SNRNP48: variants seen among roughly 807,000 people sequenced by gnomAD.
SNRNP48 encodes the protein U11/U12 small nuclear ribonucleoprotein 48 kDa protein.
SNRNP48 carries 43 observed loss-of-function variants against 47.0 expected under a neutral mutation model. That is an observed-to-expected ratio of 0.92 (90% CI 0.72 to 1.18). SNRNP48 has a LOEUF of 1.18. Ranked by LOEUF, SNRNP48 falls within the 50% of genes most tolerant of loss-of-function variation. SNRNP48 has a pLI of 0.00. For synonymous variants in SNRNP48, 138 were observed against 144.0 expected, an observed-to-expected ratio of 0.96 and a Z score of 0.30; for missense variants, 396 against 422.2, an observed-to-expected ratio of 0.94 and a Z score of 0.54.
Position 7,609,332 on chromosome 6 carries a change from C to T in SNRNP48, c.*459C>T, listed in dbSNP as rs1375024661. 6.6e-6 allele frequency: 1 copy of T among 152,194 alleles called. No homozygotes were observed. The highest frequency in any genetic ancestry group is 1.5e-5 in the Non-Finnish European group (1 of 68,052). 9.4% of individuals were successfully genotyped at this position (152,194 alleles called of 1,614,324 possible). ...GTGAATTGTAGTAGGGAAAAACAATCTAAATATTGAAGAGGAATGGCCTAA... is the reference window on the plus strand; with the variant it reads ...GTGAATTGTAGTAGGGAAAAACAATTTAAATATTGAAGAGGAATGGCCTAA... On this transcript the variant is annotated 3_prime_UTR_variant, in exon 9 of 9. Transcript: ENST00000342415.
Position 7,600,029 on chromosome 6 carries a change from A to AT in SNRNP48, c.407-1307_407-1306insT, listed in dbSNP as rs1379813371. 1.5e-5 allele frequency: 15 copies of AT among 1,005,870 alleles called. No individual in the cohort carries two copies. In the African/African-American group the frequency reaches 2.1e-4, roughly 14 times the overall value. 62.3% of individuals were successfully genotyped at this position (1,005,870 alleles called of 1,614,324 possible). ...TTTTCCTCCCAAATTTTTATAGCCTAATTCAAAGGAATTAGGCTTATCAAA... is the reference window on the plus strand; with the variant it reads ...TTTTCCTCCCAAATTTTTATAGCCTATATTCAAAGGAATTAGGCTTATCAAA... On this transcript the variant is annotated intron_variant, in intron 4 of 8. Coordinates refer to ENST00000342415, the MANE Select transcript of SNRNP48 (RefSeq NM_152551.4).
At chr6:7,607,833 G>A (rs1326194089) in intron 8 of SNRNP48, among the ~76,000 whole-genome samples, 1 of 152,178 alleles carries the variant, frequency 6.6e-6, no homozygotes, top group Non-Finnish European at 1.5e-5. Flanking sequence ...AAAGCTTATT[G>A]TATTGGTTTG....
In SNRNP48 at chr6:7,610,894, AC is replaced by A. The variant is rs10717454; in HGVS notation, c.*2025del. The A allele has an allele frequency of 0.41, 62,650 of 151,996 alleles. 13,435 individuals carry two copies. Among genetic ancestry groups the A allele is most frequent in the African/African-American group, 0.5 (20,702 of 41,434 alleles). 9.4% of individuals were successfully genotyped at this position (151,996 alleles called of 1,614,324 possible). On this transcript the variant is annotated 3_prime_UTR_variant, in exon 9 of 9. Coordinates refer to ENST00000342415, the MANE Select transcript of SNRNP48 (RefSeq NM_152551.4). ...CAGGGTTTATGCCTTCATCAGCGTG[AC>A]CCCTGTGCCTGCAGCCTCATAGGTG...
Position 7,606,156 on chromosome 6 carries a change from A to G in SNRNP48, c.932A>G (p.Asp311Gly). ...CCACATAAAAGAAAAAGAAACAAAG[A>G]TAAGGATAAAAACTGTGAGTCGAGA... ...RSPHKRKRNK[D>G]KDKNCESRRR... Residue 311 changes from aspartate (D) to glycine (G), a missense_variant, in exon 8 of 9, where the codon GAT (aspartate) becomes GGT (glycine). Coordinates refer to ENST00000342415, the MANE Select transcript of SNRNP48 (RefSeq NM_152551.4). 2 of 1,613,612 alleles carry G rather than the reference A, an allele frequency of 1.2e-6. No homozygotes were observed. Among genetic ancestry groups the G allele is most frequent in the Non-Finnish European group, 1.7e-6 (2 of 1,179,824 alleles).
chr6:7,593,325 C>T (rs548796490), intron 1 of SNRNP48, among the ~76,000 whole-genome samples: 2 of 152,080 alleles, frequency 1.3e-5, no homozygotes, highest in African/African-American at 4.8e-5. Context: ...CACAGATGGA[C>T]AATTGGAGTG....
chr6:7,607,010 A>G (rs913423814), intron 8 of SNRNP48, among the ~76,000 whole-genome samples: 1 of 152,220 alleles, frequency 6.6e-6, no homozygotes, highest in Non-Finnish European at 1.5e-5. Flanking sequence ...TAGAGTGAAT[A>G]GTCACCTCAT....
Position 7,610,154 on chromosome 6 carries a change from C to T in SNRNP48, c.*1281C>T, listed in dbSNP as rs1332521489. 1 of 152,034 alleles carries T rather than the reference C, an allele frequency of 6.6e-6. No individual in the cohort carries two copies. The highest frequency in any genetic ancestry group is 1.5e-5 in the Non-Finnish European group (1 of 68,010). The allele number at this position is 152,034 out of a possible 1,614,324, so 9.4% of individuals were successfully genotyped here. On this transcript the variant is annotated 3_prime_UTR_variant, in exon 9 of 9. Coordinates refer to ENST00000342415, the MANE Select transcript of SNRNP48 (RefSeq NM_152551.4). ...ACTTTGGCATGAAATGTTAAGCATC[C>T]GACATCTAAATAGCAATATTTTGAA...
At chr6:7,606,731 T>G (rs891514128) in intron 8 of SNRNP48, among the ~76,000 whole-genome samples, 2 of 152,210 alleles carry the variant, frequency 1.3e-5, no homozygotes, top group African/African-American at 4.8e-5. Context: ...TCCAGCTGCT[T>G]ACAAGGCATG....
intron 4 of SNRNP48, among the ~76,000 whole-genome samples, chr6:7,596,224 C>G (rs558912332): frequency 1.3e-5 from 2 of 152,114 alleles, no homozygotes; most frequent in Non-Finnish European, 2.9e-5. Context: ...CAAGATTGCA[C>G]CATTGCACTC....
rs1237530689 is a variant in SNRNP48, at chr6:7,590,303, G to C, written c.46G>C (p.Glu16Gln). 1 of 1,383,778 alleles carries C rather than the reference G, an allele frequency of 7.2e-7. No homozygotes were observed. Among genetic ancestry groups the C allele is most frequent in the African/African-American group, 1.5e-5 (1 of 67,798 alleles). 85.7% of individuals were successfully genotyped at this position (1,383,778 alleles called of 1,614,324 possible). Residue 16 changes from glutamate (E) to glutamine (Q), a missense_variant, in exon 1 of 9, where the codon GAG becomes CAG. Physicochemically the swap from Glu to Gln is conservative, Grantham distance 29. Coordinates refer to ENST00000342415, the MANE Select transcript of SNRNP48 (RefSeq NM_152551.4). ...PPVEERRRLQ[E>Q]ELNEFVESGC... ...TGTGGAGGAGCGGCGGCGGCTGCAG[G>C]AGGAGCTGAACGAGTTCGTGGAGAG...
At position 7,590,388 on chromosome 6, in the gene SNRNP48, A is replaced by G. The variant is rs1759793497; in HGVS notation, c.131A>G (p.Asp44Gly). 7.4e-7 allele frequency: 1 copy of G among 1,344,940 alleles called. No homozygotes were observed. Among genetic ancestry groups the G allele is most frequent in the Non-Finnish European group, 9.6e-7 (1 of 1,036,896 alleles). The allele number at this position is 1,344,940 out of a possible 1,614,324, so 83.3% of individuals were successfully genotyped here. ...ASLGWDLDSL[D>G]PGEEEAAEDE... ...CTGGGCTGGGACCTAGATAGTCTGG[A>G]TCCCGGGGAAGAGGAGGCGGCGGAG... The change falls in exon 1 of 9, where the codon GAT (aspartate) becomes GGT (glycine). Residue 44 changes from aspartate (D) to glycine (G), a missense_variant. Asp to Gly is a moderately conservative substitution (Grantham distance 94, BLOSUM62 -1). Coordinates refer to ENST00000342415, the MANE Select transcript of SNRNP48 (RefSeq NM_152551.4).
intron 4 of SNRNP48, among the ~76,000 whole-genome samples, chr6:7,597,911 G>A (rs1391367635): frequency 6.8e-6 from 1 of 147,122 alleles, no homozygotes. Context: ...TCTCGCCCAG[G>A]CTGGAGTTTA....
rs1561711082 is a variant in SNRNP48 at position 7,594,149 on chromosome 6, GA to G, written c.322del (p.Ile108LeufsTer3). 1 of 1,378,610 alleles carries G rather than the reference GA, an allele frequency of 7.3e-7. No individual in the cohort carries two copies. Among genetic ancestry groups the G allele is most frequent in the Non-Finnish European group, 9.9e-7 (1 of 1,014,014 alleles). 85.4% of individuals were successfully genotyped at this position (1,378,610 alleles called of 1,614,324 possible). A position where few individuals can be genotyped will look rare whatever the true frequency, so the allele number is the denominator to read the frequency against. On this transcript the variant is annotated frameshift_variant, in exon 3 of 9. Coordinates refer to ENST00000342415, the MANE Select transcript of SNRNP48 (RefSeq NM_152551.4). LOFTEE classifies it high-confidence loss of function. ...TCTATGAAAATGTGAAGATACCTTC[GA>G]TTACTTTGAGTAAGTATTAAGTTAT... ...FFYENVKIPS[I>X]TLNKDSQFQI...
intron 7 of SNRNP48, 130 bp downstream of exon 7, chr6:7,605,616 GT>G: frequency 1.2e-6 from 1 of 845,120 alleles, no homozygotes; most frequent in Non-Finnish European, 1.8e-6. Context: ...AATGCTTTTT[GT>G]TTTTCGTTGT....
At position 7,610,447 on chromosome 6, in the gene SNRNP48, G is replaced by A. The variant is rs1490208039; in HGVS notation, c.*1574G>A. 1.3e-5 allele frequency: 2 copies of A among 152,158 alleles called. No individual in the cohort carries two copies. Among genetic ancestry groups the A allele is most frequent in the Non-Finnish European group, 2.9e-5 (2 of 68,014 alleles). The allele number at this position is 152,158 out of a possible 1,614,324, so 9.4% of individuals were successfully genotyped here. ...AAGCAAGGACTTGGGAGTGACTGAT[G>A]AATCATGAAATTGCTGCTTTTATAG... On this transcript the variant is annotated 3_prime_UTR_variant, in exon 9 of 9. Coordinates refer to ENST00000342415, the MANE Select transcript of SNRNP48 (RefSeq NM_152551.4).
chr6:7,593,990 C>A, intron 2 of SNRNP48, 109 bp from the exon 3 acceptor site: 1 of 984,860 alleles, frequency 1.0e-6, no homozygotes, highest in Non-Finnish European at 1.5e-6. Context: ...TGCCTAATTG[C>A]ACAAATTATT....
rs1214758656 is a variant in SNRNP48, at chr6:7,602,708, C to CA, written c.683dup (p.Asn229GlufsTer11). ...AAAGAAGACGCCAGTCCTATAGAGC[C>CA]AAGAATGTTCACATAACCAAGAAAT... On this transcript the variant is annotated frameshift_variant, in exon 6 of 9. Coordinates refer to ENST00000342415, the MANE Select transcript of SNRNP48 (RefSeq NM_152551.4). LOFTEE classifies it high-confidence loss of function. 1 of 1,594,204 alleles carries CA rather than the reference C, an allele frequency of 6.3e-7. No individual in the cohort carries two copies. The highest frequency in any genetic ancestry group is 8.5e-7 in the Non-Finnish European group (1 of 1,171,962).
intron 4 of SNRNP48, among the ~76,000 whole-genome samples, chr6:7,596,260 C>T (rs1473331572): frequency 6.7e-6 from 1 of 148,682 alleles, no homozygotes; most frequent in African/African-American, 2.5e-5. Flanking sequence ...AGCGAGACTC[C>T]ATCTCAAAAA....
At chr6:7,597,368 ATATCTC>A (rs1473559106) in intron 4 of SNRNP48, among the ~76,000 whole-genome samples, 1 of 152,230 alleles carries the variant, frequency 6.6e-6, no homozygotes, top group African/African-American at 2.4e-5. Flanking sequence ...CACAAACTTC[ATATCTC>A]TGCATACTAA....
Sources: allele counts gnomAD v4.1 joint callset (sites outside exome capture counted in the v4.1 genomes callset), GRCh38; gene constraint gnomAD v4.1.1; transcripts MANE v1.5; gene names NCBI Gene and HGNC (gene_info 2026-07-23, HGNC 2026-07-21).